The following CNOT2 variants were observed in gnomAD, a reference collection of about 807,000 sequenced individuals.
CNOT2 encodes CC chemokine receptor 4-negative regulator of transcription 2.
Under a neutral mutation model 72.1 loss-of-function variants are expected in CNOT2, and 7 were observed. That is an observed-to-expected ratio of 0.10 (90% CI 0.06 to 0.18). The LOEUF (loss-of-function observed/expected upper bound fraction) is 0.18. Among genes scored for constraint, CNOT2 ranks in the 10% least tolerant of loss-of-function variants. CNOT2 has a pLI of 1.00. For missense variants in CNOT2, 345 were observed against 660.3 expected, an observed-to-expected ratio of 0.52 and a Z score of 5.23; for synonymous variants, 196 against 225.6, an observed-to-expected ratio of 0.87 and a Z score of 1.17.
chr12:70,276,806 G>C (rs11178166), intron 1 of CNOT2, among the ~76,000 whole-genome samples: 6,875 of 152,002 alleles, frequency 0.045, 666 homozygotes, highest in East Asian at 0.44. Context: ...CCTGACTGAA[G>C]TATTTTGGCT....
At chr12:70,322,510 C>T (rs199670396) in intron 4 of CNOT2, 2 of 151,736 alleles carry the variant, frequency 1.3e-5, no homozygotes, top group East Asian at 1.9e-4. Flanking sequence ...TTACTGAGTG[C>T]TTTCTGTGTG....
intron 13 of CNOT2, among the ~76,000 whole-genome samples, chr12:70,343,764 A>G (rs533999668): frequency 3.0e-4 from 45 of 152,300 alleles, no homozygotes; most frequent in African/African-American, 1.0e-3. Flanking sequence ...ATGAGTAATA[A>G]AACCAGGACT....
chr12:70,307,578 A>G (rs940678061), intron 2 of CNOT2: 10 of 151,128 alleles, frequency 6.6e-5, no homozygotes, highest in African/African-American at 2.4e-4. Flanking sequence ...ATTTTTATTT[A>G]CCAAATTAAC....
chr12:70,249,709 C>G (rs1400399148), intron 1 of CNOT2, among the ~76,000 whole-genome samples: 1 of 152,016 alleles, frequency 6.6e-6, no homozygotes, highest in South Asian at 2.1e-4. Flanking sequence ...ACTTTTCTGA[C>G]AATATCCAAC....
chr12:70,300,878 T>TACAAACA (rs1165824602), intron 2 of CNOT2, among the ~76,000 whole-genome samples: 1 of 152,234 alleles, frequency 6.6e-6, no homozygotes, highest in East Asian at 1.9e-4. Flanking sequence ...CATTTGTTTG[T>TACAAACA]ATCCTCTTTT....
intron 7 of CNOT2, chr12:70,334,965 G>A (rs1880474343): frequency 6.5e-6 from 1 of 154,316 alleles, no homozygotes. Context: ...CAGGGCTTCT[G>A]CTTCACTGCC....
intron 1 of CNOT2, among the ~76,000 whole-genome samples, chr12:70,249,975 A>G (rs1014185637): frequency 6.6e-6 from 1 of 152,088 alleles, no homozygotes; most frequent in South Asian, 2.1e-4. Context: ...TAATCTTTCT[A>G]ATCTATGCTT....
chr12:70,314,435 G>T (rs527845089), intron 3 of CNOT2, among the ~76,000 whole-genome samples: 2 of 151,984 alleles, frequency 1.3e-5, no homozygotes, highest in African/African-American at 4.8e-5. Context: ...TTGTGAGGGG[G>T]GCACTGAAGT....
In CNOT2 at chr12:70,298,290, C is replaced by T. The variant is rs537992226; in HGVS notation, c.49-12605C>T. 3.3e-5 allele frequency among the ~76,000 whole-genome samples: 5 copies of T among 152,234 alleles called. No individual in the cohort carries two copies. The East Asian group carries it at 5.8e-4, about 18-fold the overall frequency. ...AATATAAGGACCTTCCTCCTCCAATCGGCTTTTTATTTGCTCCTTACTGCT... is the reference window on the plus strand; with the variant it reads ...AATATAAGGACCTTCCTCCTCCAATTGGCTTTTTATTTGCTCCTTACTGCT... On this transcript the variant is annotated intron_variant, in intron 2 of 15. Coordinates refer to ENST00000229195, the MANE Select transcript of CNOT2 (RefSeq NM_014515.7).
At chr12:70,267,916 A>C (rs1479735957) in intron 1 of CNOT2, among the ~76,000 whole-genome samples, 2 of 152,258 alleles carry the variant, frequency 1.3e-5, no homozygotes, top group Non-Finnish European at 2.9e-5. Context: ...TACAATGCAG[A>C]ATTGATTAGT....
chr12:70,337,210 G>A (rs933255926), intron 8 of CNOT2, 179 bp from the exon 9 acceptor site: 2 of 488,140 alleles, frequency 4.1e-6, no homozygotes, highest in Non-Finnish European at 7.3e-6. Flanking sequence ...TTATTAATCA[G>A]TAAATGAAAA....
chr12:70,330,614 C>A, intron 6 of CNOT2, 145 bp downstream of exon 6: 1 of 488,156 alleles, frequency 2.0e-6, no homozygotes. Flanking sequence ...ATTCTGTTAC[C>A]CATCACAAAA....
At chr12:70,318,641 A>G (rs79045788) in intron 3 of CNOT2, among the ~76,000 whole-genome samples, 2,743 of 151,934 alleles carry the variant, frequency 0.018, 44 homozygotes, top group Non-Finnish European at 0.028. Flanking sequence ...ACTGTGCCTT[A>G]AAATATAATG....
intron 1 of CNOT2, among the ~76,000 whole-genome samples, chr12:70,271,456 C>G (rs542637996): frequency 6.7e-6 from 1 of 148,994 alleles, no homozygotes; most frequent in Admixed American, 6.8e-5. Context: ...TCACTGCAAC[C>G]TCTACCTCCC....
intron 2 of CNOT2, chr12:70,294,123 G>C: frequency 7.8e-7 from 1 of 1,288,828 alleles, no homozygotes; most frequent in South Asian, 1.2e-5. Flanking sequence ...CTTACTGTTT[G>C]CTGGAGTTGA....
At chr12:70,345,196 G>C (rs895383466) in intron 14 of CNOT2, 2 of 152,098 alleles carry the variant, frequency 1.3e-5, no homozygotes, top group African/African-American at 2.4e-5. Context: ...TTATGATTGG[G>C]AGACCTTTTC....
intron 1 of CNOT2, among the ~76,000 whole-genome samples, chr12:70,269,033 T>C (rs1275236868): frequency 1.3e-5 from 2 of 152,212 alleles, no homozygotes; most frequent in Non-Finnish European, 2.9e-5. Flanking sequence ...CTGTATAATT[T>C]ATGTCTTTCC....
chr12:70,313,240 T>G (rs2135963448), intron 3 of CNOT2, among the ~76,000 whole-genome samples: 1 of 152,152 alleles, frequency 6.6e-6, no homozygotes, highest in Non-Finnish European at 1.5e-5. Context: ...ATTTCTCTAT[T>G]GAGATCTTAA....
intron 1 of CNOT2, among the ~76,000 whole-genome samples, chr12:70,248,740 C>G (rs1186663519): frequency 6.6e-6 from 1 of 151,936 alleles, no homozygotes; most frequent in Non-Finnish European, 1.5e-5. Context: ...TCTTAATTGC[C>G]TGTATATGTT....
Sources: allele counts gnomAD v4.1 joint callset (sites outside exome capture counted in the v4.1 genomes callset), GRCh38; gene constraint gnomAD v4.1.1; transcripts MANE v1.5; gene names NCBI Gene and HGNC (gene_info 2026-07-23, HGNC 2026-07-21).